LRP12: variants seen among roughly 807,000 people sequenced by gnomAD.
LRP12 encodes the protein LDL receptor related protein 12, also known as low-density lipoprotein receptor-related protein 12.
LRP12 carries 14 observed loss-of-function variants against 66.0 expected under a neutral mutation model. The ratio of observed to expected loss-of-function variants is 0.21; its 90% confidence interval spans 0.14 to 0.33. The LOEUF (loss-of-function observed/expected upper bound fraction) is 0.33, where lower values mean the gene tolerates loss of function less well. Ranked by LOEUF, LRP12 falls within the 10% of genes least tolerant of loss-of-function variation. The pLI is 1.00. For missense variants in LRP12, 889 were observed against 1,053.4 expected (o/e 0.84, Z 2.16); for synonymous variants, 357 against 359.1 (o/e 0.99, Z 0.07).
chr8:104,587,608 G>A (rs1812354340), intron 1 of LRP12, among the ~76,000 whole-genome samples: 2 of 152,142 alleles, frequency 1.3e-5, no homozygotes, highest in African/African-American at 2.4e-5. Flanking sequence ...GCCCAATTAC[G>A]TTCATTAATT....
chr8:104,569,541 A>G (rs1432954438), intron 1 of LRP12, among the ~76,000 whole-genome samples: 1 of 152,162 alleles, frequency 6.6e-6, no homozygotes, highest in Non-Finnish European at 1.5e-5. Flanking sequence ...ACAGTCAAAA[A>G]AGAAAAATCA....
intron 2 of LRP12, among the ~76,000 whole-genome samples, chr8:104,525,231 T>A: frequency 6.6e-6 from 1 of 152,252 alleles, no homozygotes; most frequent in Admixed American, 6.5e-5. Context: ...AGATTTAAAA[T>A]TCTGAACCAA....
chr8:104,516,012 C>A (rs1811067847), intron 2 of LRP12, among the ~76,000 whole-genome samples: 2 of 152,126 alleles, frequency 1.3e-5, no homozygotes, highest in South Asian at 2.1e-4. Flanking sequence ...CCTTGGCCTC[C>A]CAGAGTACTG....
At chr8:104,500,973 T>G (rs1177060884) in intron 3 of LRP12, among the ~76,000 whole-genome samples, 1 of 152,214 alleles carries the variant, frequency 6.6e-6, no homozygotes, top group African/African-American at 2.4e-5. Context: ...GCCAATTAGG[T>G]AGACAAAAGA....
At chr8:104,515,317 A>G (rs779800185) in intron 2 of LRP12, among the ~76,000 whole-genome samples, 1 of 152,156 alleles carries the variant, frequency 6.6e-6, no homozygotes, top group African/African-American at 2.4e-5. Flanking sequence ...ATTAGTTTAT[A>G]TGTAATTGGC....
chr8:104,508,731 A>G, intron 3 of LRP12: 1 of 450,682 alleles, frequency 2.2e-6, no homozygotes. Flanking sequence ...CAATGCAAAT[A>G]CATTACCACC....
At position 104,497,531 on chromosome 8, in the gene LRP12, G is replaced by T. The variant is rs1810752814; in HGVS notation, c.1021C>A (p.Leu341Ile). 3 of 1,613,892 alleles carry T rather than the reference G, an allele frequency of 1.9e-6. No individual in the cohort carries two copies. The highest frequency in any genetic ancestry group is 2.5e-6 in the Non-Finnish European group (3 of 1,179,964). ...TGTCCAGAAGAAGAAACAACTGTAA[G>T]AGGTGCATGAGAATCAAAAGCTGTC... is the stretch of plus-strand genomic sequence containing the variant. ...VLTAFDSHAP[L>I]TVVSSSGQIR... Residue 341 changes from leucine to isoleucine, a missense_variant, in exon 5 of 7, where the codon CTT becomes ATT. Around this residue, in one of 3 missense-constraint regions of LRP12, gnomAD observed 800 missense variants for 964.5 expected, o/e 0.83. Coordinates refer to ENST00000276654, the MANE Select transcript of LRP12 (RefSeq NM_013437.5). The surrounding 1 kb of genome is among the most constrained non-coding windows in gnomAD (Gnocchi z 4.3).
chr8:104,492,679 A>G (rs1810655983), intron 6 of LRP12, among the ~76,000 whole-genome samples: 1 of 152,094 alleles, frequency 6.6e-6, no homozygotes, highest in African/African-American at 2.4e-5. Flanking sequence ...GCCCTTCCAT[A>G]GTGCCATGAA....
chr8:104,578,613 A>T (rs1483349854), intron 1 of LRP12, among the ~76,000 whole-genome samples: 1 of 152,002 alleles, frequency 6.6e-6, no homozygotes, highest in Non-Finnish European at 1.5e-5. Context: ...AAAACAAAAA[A>T]CTTACTGGCA....
intron 1 of LRP12, among the ~76,000 whole-genome samples, chr8:104,588,263 G>GC (rs919756667): frequency 6.6e-6 from 1 of 152,174 alleles, no homozygotes; most frequent in Non-Finnish European, 1.5e-5. Context: ...GACCCTGCAC[G>GC]CCCGGATTCG....
intron 1 of LRP12, among the ~76,000 whole-genome samples, chr8:104,573,486 C>A (rs1812114282): frequency 1.3e-5 from 2 of 152,090 alleles, no homozygotes; most frequent in South Asian, 2.1e-4. Flanking sequence ...AATCCTATAG[C>A]TGATGCGTAA....
intron 1 of LRP12, among the ~76,000 whole-genome samples, chr8:104,566,868 T>C (rs1812012195): frequency 6.6e-6 from 1 of 152,126 alleles, no homozygotes; most frequent in Non-Finnish European, 1.5e-5. Context: ...TTTTCAAATA[T>C]AAAATAGCAC....
At chr8:104,503,092 C>T (rs1418753152) in intron 3 of LRP12, among the ~76,000 whole-genome samples, 3 of 151,852 alleles carry the variant, frequency 2.0e-5, no homozygotes. Flanking sequence ...TTTATTTTTG[C>T]TTTATGTTTA....
intron 1 of LRP12, among the ~76,000 whole-genome samples, chr8:104,570,467 C>A (rs1431820116): frequency 1.3e-5 from 2 of 152,132 alleles, no homozygotes; most frequent in African/African-American, 4.8e-5. Flanking sequence ...CAGAAATAGA[C>A]TCATGCAAAT....
At chr8:104,519,041 A>G (rs1339188376) in intron 2 of LRP12, among the ~76,000 whole-genome samples, 1 of 152,118 alleles carries the variant, frequency 6.6e-6, no homozygotes, top group Admixed American at 6.6e-5. Flanking sequence ...TTGGACTGCC[A>G]TGTATAACAT....
intron 2 of LRP12, among the ~76,000 whole-genome samples, chr8:104,514,799 T>G (rs1001812381): frequency 6.6e-6 from 1 of 152,204 alleles, no homozygotes; most frequent in African/African-American, 2.4e-5. Flanking sequence ...CATGCAATTA[T>G]TTTGGTAAAA....
intron 1 of LRP12, among the ~76,000 whole-genome samples, chr8:104,587,319 G>C (rs957923234): frequency 6.6e-6 from 1 of 152,134 alleles, no homozygotes; most frequent in African/African-American, 2.4e-5. Context: ...CCCACCTTCA[G>C]GGCAGAAGAA....
At chr8:104,547,927 A>T (rs1249395158) in intron 1 of LRP12, among the ~76,000 whole-genome samples, 5 of 128,614 alleles carry the variant, frequency 3.9e-5, no homozygotes, top group African/African-American at 1.4e-4. Context: ...TGTATATAAT[A>T]TACAATTCAA....
chr8:104,574,077 T>C (rs1812123352), intron 1 of LRP12, among the ~76,000 whole-genome samples: 1 of 152,192 alleles, frequency 6.6e-6, no homozygotes. Context: ...TGTCTGGCAT[T>C]ATACTAAATA....
Sources: allele counts gnomAD v4.1 joint callset (sites outside exome capture counted in the v4.1 genomes callset), GRCh38; gene constraint gnomAD v4.1.1; regional missense constraint gnomAD v4.1.1; non-coding constraint Gnocchi (gnomAD v3.1); transcripts MANE v1.5; gene names NCBI Gene and HGNC (gene_info 2026-07-23, HGNC 2026-07-21).